OPCML: variants seen among roughly 807,000 people sequenced by gnomAD.
The protein encoded by OPCML is opioid-binding protein/cell adhesion molecule.
A neutral mutation model predicts 37.8 loss-of-function variants in OPCML; 13 were observed. That is an observed-to-expected ratio of 0.34 (90% CI 0.22 to 0.55). The LOEUF (loss-of-function observed/expected upper bound fraction) is 0.55. Among genes scored for constraint, OPCML ranks in the 20% least tolerant of loss-of-function variants. OPCML has a pLI of 0.91. For synonymous variants in OPCML, 176 were observed against 168.8 expected, an observed-to-expected ratio of 1.04 and a Z score of -0.33; for missense variants, 341 against 435.6, an observed-to-expected ratio of 0.78 and a Z score of 1.93.
intron 2 of OPCML, among the ~76,000 whole-genome samples, chr11:132,941,363 A>G (rs1300673442): frequency 6.6e-6 from 1 of 152,202 alleles, no homozygotes. Flanking sequence ...ATCCTATTCA[A>G]TGCTAGACCT....
At chr11:133,091,215 T>G (rs917081792) in intron 1 of OPCML, among the ~76,000 whole-genome samples, 1 of 152,170 alleles carries the variant, frequency 6.6e-6, no homozygotes, top group Non-Finnish European at 1.5e-5. Flanking sequence ...TCTGCAGGTG[T>G]GTAGAGTTCA....
At chr11:133,058,733 G>A (rs781470366) in intron 1 of OPCML, among the ~76,000 whole-genome samples, 2 of 152,222 alleles carry the variant, frequency 1.3e-5, no homozygotes, top group Non-Finnish European at 2.9e-5. Context: ...GAGGCCAGTA[G>A]TCTCATTTAC....
At chr11:132,940,267 A>G (rs529464360) in intron 2 of OPCML, among the ~76,000 whole-genome samples, 2 of 152,312 alleles carry the variant, frequency 1.3e-5, no homozygotes, top group Non-Finnish European at 2.9e-5. Flanking sequence ...TGCTTTTCCT[A>G]GTAGGTCTCT....
chr11:133,169,764 T>A (rs1012531210), intron 1 of OPCML, among the ~76,000 whole-genome samples: 2 of 152,168 alleles, frequency 1.3e-5, no homozygotes, highest in African/African-American at 4.8e-5. Flanking sequence ...GCAGTTAATA[T>A]TCATTTGAAA....
chr11:132,585,637 G>A (rs999723929), intron 3 of OPCML, among the ~76,000 whole-genome samples: 5 of 152,076 alleles, frequency 3.3e-5, no homozygotes, highest in Admixed American at 1.3e-4. Context: ...CACTAAGGAT[G>A]GGTCAAATTT....
At chr11:133,363,314 G>A (rs1944464301) in intron 1 of OPCML, among the ~76,000 whole-genome samples, 2 of 152,288 alleles carry the variant, frequency 1.3e-5, no homozygotes, top group Admixed American at 6.5e-5. Context: ...ACGAGTCTTC[G>A]CCAAGGCAGC....
At chr11:133,488,196 A>G (rs1159706022) in intron 1 of OPCML, among the ~76,000 whole-genome samples, 1 of 152,152 alleles carries the variant, frequency 6.6e-6, no homozygotes, top group Non-Finnish European at 1.5e-5. Context: ...CCCTCTAAGA[A>G]ATGGAACAAG....
intron 1 of OPCML, among the ~76,000 whole-genome samples, chr11:133,069,588 G>A (rs745976732): frequency 9.9e-5 from 15 of 152,152 alleles, no homozygotes; most frequent in Non-Finnish European, 1.3e-4. Context: ...AAATGTGAAT[G>A]CAAATGGGGC....
rs80092134 is a variant in OPCML at position 133,343,838 on chromosome 11, A to C, written c.61+188426T>G. Among the ~76,000 whole-genome samples, 603 of 152,232 alleles carry C rather than the reference A, an allele frequency of 4.0e-3. 16 individuals carry two copies. The East Asian group carries it at 0.058, about 15-fold the overall frequency. On this transcript the variant is annotated intron_variant, in intron 1 of 7. Transcript: ENST00000524381. ...CCACATCTTCCCAAAATAGCCTAAA[A>C]TTTTATCCCTTTTATAAATATCTCT...
chr11:132,741,872 A>C (rs894842602), intron 2 of OPCML, among the ~76,000 whole-genome samples: 2 of 151,800 alleles, frequency 1.3e-5, no homozygotes, highest in African/African-American at 4.8e-5. Flanking sequence ...ACTAAAAAAA[A>C]CACAAAATTA....
chr11:133,375,151 A>G (rs931268076), intron 1 of OPCML, among the ~76,000 whole-genome samples: 1 of 152,044 alleles, frequency 6.6e-6, no homozygotes, highest in African/African-American at 2.4e-5. Flanking sequence ...TCAAAATTCT[A>G]TTTTCCATAG....
chr11:132,918,433 C>A (rs1163089912), intron 2 of OPCML, among the ~76,000 whole-genome samples: 1 of 152,198 alleles, frequency 6.6e-6, no homozygotes, highest in East Asian at 1.9e-4. Context: ...TACTGACTTC[C>A]ATCATCATTA....
intron 1 of OPCML, among the ~76,000 whole-genome samples, chr11:133,036,129 T>C (rs979192351): frequency 1.3e-5 from 2 of 152,196 alleles, no homozygotes; most frequent in South Asian, 2.1e-4. Context: ...ACTTAAAATG[T>C]CAAAGTGAAA....
intron 1 of OPCML, among the ~76,000 whole-genome samples, chr11:133,202,875 T>C (rs1025829596): frequency 2.0e-4 from 30 of 152,188 alleles, no homozygotes; most frequent in Admixed American, 1.8e-3. Flanking sequence ...GAAGCCTCCC[T>C]CCCGGACATG....
intron 3 of OPCML, among the ~76,000 whole-genome samples, chr11:132,565,056 G>A (rs867169908): frequency 6.6e-6 from 1 of 152,144 alleles, no homozygotes; most frequent in Non-Finnish European, 1.5e-5. Context: ...AACTGTAAAA[G>A]CCTTCTGTTA....
At chr11:132,576,985 C>A (rs4274202) in intron 3 of OPCML, among the ~76,000 whole-genome samples, 1 of 151,974 alleles carries the variant, frequency 6.6e-6, no homozygotes, top group African/African-American at 2.4e-5. Flanking sequence ...TTCAGGAATG[C>A]TTGCATGCTG....
intron 1 of OPCML, among the ~76,000 whole-genome samples, chr11:133,404,805 A>T (rs1945491824): frequency 6.6e-6 from 1 of 152,254 alleles, no homozygotes; most frequent in African/African-American, 2.4e-5. Context: ...TACACAATTT[A>T]AAAAATAAAA....
intron 1 of OPCML, among the ~76,000 whole-genome samples, chr11:133,076,172 A>T (rs917017773): frequency 4.6e-5 from 7 of 152,028 alleles, no homozygotes; most frequent in Admixed American, 4.6e-4. Context: ...ATTATTTTGT[A>T]CTTCATTTAC....
chr11:133,025,439 G>C (rs925134003), intron 1 of OPCML: 66 of 985,254 alleles, frequency 6.7e-5, no homozygotes, highest in Non-Finnish European at 7.0e-5. Flanking sequence ...TTGGGTAACT[G>C]TATTGAAGAA....
Sources: allele counts gnomAD v4.1 joint callset (sites outside exome capture counted in the v4.1 genomes callset), GRCh38; gene constraint gnomAD v4.1.1; transcripts MANE v1.5; gene names NCBI Gene and HGNC (gene_info 2026-07-23, HGNC 2026-07-21).